STIL: variants seen among roughly 807,000 people sequenced by gnomAD.
STIL encodes SCL-interrupting locus protein.
A neutral mutation model predicts 110.1 loss-of-function variants in STIL; 55 were observed. The ratio of observed to expected loss-of-function variants is 0.50; its 90% CI spans 0.40 to 0.63. STIL has a LOEUF of 0.63. STIL is among the 20% of genes least tolerant of loss of function. The pLI, the probability that STIL is intolerant of heterozygous loss-of-function variation, is 0.00. For synonymous variants in STIL, 481 were observed against 530.0 expected, an observed-to-expected ratio of 0.91 and a Z score of 1.27; for missense variants, 1,358 against 1,530.0, an observed-to-expected ratio of 0.89 and a Z score of 1.87.
intron 6 of STIL, among the ~76,000 whole-genome samples, chr1:47,298,608 T>G (rs1431712253): frequency 6.6e-6 from 1 of 151,578 alleles, no homozygotes; most frequent in African/African-American, 2.4e-5. Context: ...CTTGGGTTCA[T>G]AATTAGGTTA....
chr1:47,277,309 AGT>A (rs1645021526), intron 12 of STIL, among the ~76,000 whole-genome samples: 1 of 152,212 alleles, frequency 6.6e-6, no homozygotes, highest in Non-Finnish European at 1.5e-5. Context: ...CACAGAAGAC[AGT>A]GATAAGAGAT....
intron 12 of STIL, among the ~76,000 whole-genome samples, chr1:47,279,337 T>C (rs1645084221): frequency 6.6e-6 from 1 of 150,418 alleles, no homozygotes. Flanking sequence ...TATATTTGCA[T>C]AGTTATAGGA....
At chr1:47,255,786 A>G (rs1644312625) in intron 16 of STIL, among the ~76,000 whole-genome samples, 1 of 152,056 alleles carries the variant, frequency 6.6e-6, no homozygotes, top group African/African-American at 2.4e-5. Context: ...TTCCTGCACA[A>G]TTTCTAGGTT....
chr1:47,269,389 A>G (rs1172993877), intron 14 of STIL, among the ~76,000 whole-genome samples: 1 of 152,214 alleles, frequency 6.6e-6, no homozygotes, highest in Admixed American at 6.5e-5. Context: ...ACCTGAACAG[A>G]ACAGCAACTG....
chr1:47,265,237 CAAAAAA>C (rs61666574), intron 14 of STIL, among the ~76,000 whole-genome samples: 143 of 51,662 alleles, frequency 2.8e-3, no homozygotes, highest in Middle Eastern at 0.021. Flanking sequence ...CTCCATCTCC[CAAAAAA>C]AAAAAAAAAA....
chr1:47,285,911 G>C (rs1645284367), intron 10 of STIL, among the ~76,000 whole-genome samples: 1 of 151,410 alleles, frequency 6.6e-6, no homozygotes, highest in African/African-American at 2.4e-5. Flanking sequence ...GTCTTACTCT[G>C]TTGCCCAGGC....
intron 13 of STIL, among the ~76,000 whole-genome samples, chr1:47,270,796 A>T (rs1445354333): frequency 6.7e-6 from 1 of 149,072 alleles, no homozygotes; most frequent in Non-Finnish European, 1.5e-5. Flanking sequence ...CTCCCACCTC[A>T]GCTTCCCGAG....
chr1:47,277,532 C>T (rs1408029182), intron 12 of STIL, among the ~76,000 whole-genome samples: 1 of 152,014 alleles, frequency 6.6e-6, no homozygotes, highest in Non-Finnish European at 1.5e-5. Flanking sequence ...GGGGATAGTA[C>T]TGGATGGAAG....
chr1:47,255,513 C>T (rs1308797260), intron 16 of STIL, among the ~76,000 whole-genome samples: 3 of 146,920 alleles, frequency 2.0e-5, no homozygotes, highest in Admixed American at 1.4e-4. Context: ...TGTGCCACTG[C>T]ACTGCAGCCT....
intron 2 of STIL, among the ~76,000 whole-genome samples, chr1:47,309,679 G>A (rs72686217): frequency 0.033 from 4,957 of 152,190 alleles, 114 homozygotes; most frequent in South Asian, 0.081. Flanking sequence ...ATGATCCAAA[G>A]AGCCAAATAA....
intron 14 of STIL, among the ~76,000 whole-genome samples, chr1:47,268,712 C>A (rs1018939021): frequency 1.3e-5 from 2 of 150,992 alleles, no homozygotes; most frequent in Admixed American, 1.3e-4. Flanking sequence ...GAGTCAAGAT[C>A]GCACCATTGC....
intron 16 of STIL, among the ~76,000 whole-genome samples, chr1:47,253,365 G>A (rs532594999): frequency 2.0e-5 from 3 of 151,956 alleles, no homozygotes; most frequent in African/African-American, 4.8e-5. Context: ...CTTATTTATT[G>A]TCTAGCACCC....
At chr1:47,300,214 T>C in intron 5 of STIL, 62 bp from the exon 6 acceptor site, 1 of 1,501,182 alleles carries the variant, frequency 6.7e-7, no homozygotes, top group South Asian at 1.2e-5. Context: ...TCGCCAAAGT[T>C]TATTTTATAC....
intron 2 of STIL, among the ~76,000 whole-genome samples, chr1:47,308,675 G>A (rs1274879413): frequency 6.6e-6 from 1 of 151,650 alleles, no homozygotes; most frequent in African/African-American, 2.4e-5. Context: ...AAAAAAACCA[G>A]AAAGAATGAT....
At chr1:47,262,872 C>T (rs747929067) in intron 15 of STIL, 31 bp downstream of exon 15, 1 of 1,606,202 alleles carries the variant, frequency 6.2e-7, no homozygotes, top group Non-Finnish European at 8.5e-7. Flanking sequence ...ATAACCTTCT[C>T]AAAAAGATGA....
chr1:47,292,526 A>C (rs3125627), intron 8 of STIL, among the ~76,000 whole-genome samples: 1 of 152,232 alleles, frequency 6.6e-6, no homozygotes, highest in Non-Finnish European at 1.5e-5. Context: ...ATGTATTATA[A>C]ACTCTTCAGT....
chr1:47,254,577 C>G (rs1644277385), intron 16 of STIL, among the ~76,000 whole-genome samples: 1 of 151,840 alleles, frequency 6.6e-6, no homozygotes, highest in African/African-American at 2.4e-5. Flanking sequence ...GCCACTAAGG[C>G]TGGAGTGCAG....
chr1:47,311,835 T>C (rs1334760380), intron 1 of STIL, among the ~76,000 whole-genome samples: 1 of 150,564 alleles, frequency 6.6e-6, no homozygotes, highest in Non-Finnish European at 1.5e-5. Flanking sequence ...TCACCTGAGG[T>C]GAGGAGTTCG....
At position 47,280,548 on chromosome 1, in the gene STIL, A is replaced by C. The variant is rs1043655444; in HGVS notation, c.1910T>G (p.Leu637Arg). ...GSIQDVQSEA[L>R]QKHSLFHPSG... ...TGGGTGAAATAATGAATGCTTTTGA[A>C]GGGCTTCAGACTGGACATCTTGAAT... is the stretch of plus-strand genomic sequence containing the variant. The change falls in exon 12 of 17, where the codon CTT (leucine) becomes CGT (arginine). Residue 637 changes from leucine (L) to arginine (R), a missense_variant. Leu to Arg is a moderately radical substitution (Grantham distance 102). Transcript: ENST00000371877. 1 of 1,614,146 alleles carries C rather than the reference A, an allele frequency of 6.2e-7. No homozygotes were observed. The highest frequency in any genetic ancestry group is 1.3e-5 in the African/African-American group (1 of 74,944).
Sources: allele counts gnomAD v4.1 joint callset (sites outside exome capture counted in the v4.1 genomes callset), GRCh38; gene constraint gnomAD v4.1.1; transcripts MANE v1.5; gene names NCBI Gene and HGNC (gene_info 2026-07-23, HGNC 2026-07-21).